PPP2R3A: variants seen among roughly 807,000 people sequenced by gnomAD.
PPP2R3A encodes protein phosphatase 2 regulatory subunit B''alpha.
A neutral mutation model predicts 106.9 loss-of-function variants in PPP2R3A; 80 were observed. The observed-to-expected ratio is 0.75, with a 90% CI of 0.62 to 0.90. The LOEUF is 0.90. Ranked by LOEUF, PPP2R3A falls within the 40% of genes least tolerant of loss-of-function variation. The pLI is 0.00. For missense variants in PPP2R3A, 1,386 were observed against 1,350.4 expected (o/e 1.03, Z -0.41); for synonymous variants, 483 against 468.3 (o/e 1.03, Z -0.41).
At chr3:135,991,001 G>T (rs1385733587) in intron 1 of PPP2R3A, among the ~76,000 whole-genome samples, 1 of 152,024 alleles carries the variant, frequency 6.6e-6, no homozygotes. Flanking sequence ...CCAAGTTCCT[G>T]CTAGCTCCCA....
rs141186794 is a variant in PPP2R3A, at chr3:136,102,196, A to G, written c.3103+14A>G. The G allele has an allele frequency of 4.2e-4, 681 of 1,611,954 alleles. 4 individuals carry two copies. In the African/African-American group the frequency reaches 7.9e-3, roughly 19 times the overall value. ...CAGCTGTTGATGGTGAGACCAAGCAATGGGACAGATGCACTGTTCACCTAT... is the reference window on the plus strand; with the variant it reads ...CAGCTGTTGATGGTGAGACCAAGCAGTGGGACAGATGCACTGTTCACCTAT... On this transcript the variant is annotated intron_variant, in intron 11 of 13. Transcript: ENST00000264977.
chr3:136,036,769 A>G (rs777081322), intron 3 of PPP2R3A, among the ~76,000 whole-genome samples: 2 of 152,184 alleles, frequency 1.3e-5, no homozygotes, highest in Non-Finnish European at 2.9e-5. Flanking sequence ...GCTGCAGTCT[A>G]GTCCTGCCTC....
rs114370347 is a variant in PPP2R3A, at chr3:136,108,693, C to T, written c.3329+2371C>T. The stretch of plus-strand genomic sequence containing the variant: ...AACTCAAGGATGAATAAAGGTTTAT[C>T]ATTGGGTTTTTTTTTTCCAGTTTTA... On this transcript the variant is annotated intron_variant, in intron 13 of 13. Transcript: ENST00000264977. Among the ~76,000 whole-genome samples, 307 of 151,010 alleles carry T rather than the reference C, an allele frequency of 2.0e-3. 2 individuals are homozygous for T. Among genetic ancestry groups the T allele is most frequent in the African/African-American group, 7.1e-3 (290 of 40,666 alleles).
chr3:136,048,206 C>G (rs1198308374), intron 4 of PPP2R3A, among the ~76,000 whole-genome samples: 1 of 152,092 alleles, frequency 6.6e-6, no homozygotes, highest in African/African-American at 2.4e-5. Context: ...GCAAGAGTTC[C>G]TGGAAGGTGA....
Position 136,016,594 on chromosome 3 carries a change from G to A in PPP2R3A, c.1996-10238G>A, listed in dbSNP as rs553664080. ...CTCTTTGTCTTTTTTAACTGTTGTC[G>A]CTTTAAAGTCTGTTTTATCTGATAT... On this transcript the variant is annotated intron_variant, in intron 2 of 13. Transcript: ENST00000264977. Among the ~76,000 whole-genome samples, 12 of 151,904 alleles carry A rather than the reference G, an allele frequency of 7.9e-5. No homozygotes were observed. In the South Asian group the frequency reaches 8.3e-4, roughly 11 times the overall value.
chr3:136,075,143 A>G (rs906703821), intron 6 of PPP2R3A, among the ~76,000 whole-genome samples: 6 of 152,240 alleles, frequency 3.9e-5, no homozygotes, highest in Non-Finnish European at 8.8e-5. Flanking sequence ...ATACTTGTGA[A>G]TTAGAGATTT....
intron 2 of PPP2R3A, among the ~76,000 whole-genome samples, chr3:136,011,901 C>T (rs926220824): frequency 7.2e-5 from 11 of 151,992 alleles, no homozygotes; most frequent in Non-Finnish European, 1.2e-4. Context: ...CACCAGCGTC[C>T]TTGACTATCA....
chr3:136,058,572 A>G (rs1252474595), intron 5 of PPP2R3A, among the ~76,000 whole-genome samples: 1 of 152,224 alleles, frequency 6.6e-6, no homozygotes, highest in Admixed American at 6.5e-5. Flanking sequence ...TAATATCACT[A>G]AAATGGCCAT....
intron 7 of PPP2R3A, among the ~76,000 whole-genome samples, chr3:136,079,953 C>G (rs966281988): frequency 3.3e-5 from 5 of 152,142 alleles, no homozygotes; most frequent in Non-Finnish European, 7.4e-5. Context: ...ATAAAACATT[C>G]AAATAATATG....
chr3:136,129,958 T>C (rs1419207847), intron 13 of PPP2R3A, among the ~76,000 whole-genome samples: 2 of 152,116 alleles, frequency 1.3e-5, no homozygotes, highest in South Asian at 2.1e-4. Flanking sequence ...TCAACAAAAT[T>C]CAACAGCCCT....
intron 13 of PPP2R3A, among the ~76,000 whole-genome samples, chr3:136,119,548 G>A (rs1475249419): frequency 3.9e-5 from 6 of 152,166 alleles, no homozygotes; most frequent in Admixed American, 3.3e-4. Flanking sequence ...AGCGGGTGAA[G>A]GATATGAACA....
intron 1 of PPP2R3A, among the ~76,000 whole-genome samples, chr3:135,997,360 G>A (rs930068153): frequency 6.6e-6 from 1 of 152,100 alleles, no homozygotes. Context: ...CCATAAAACT[G>A]CTTTCTCCTG....
rs149384978 is a variant in PPP2R3A at position 136,102,099 on chromosome 3, G to A, written c.3020G>A (p.Arg1007Gln). 2.6e-4 allele frequency: 413 copies of A among 1,614,000 alleles called. 1 individual carries two copies. In the African/African-American group the frequency reaches 4.7e-3, roughly 18 times the overall value. The change falls in exon 11 of 14, where the codon CGG (arginine) becomes CAG (glutamine). Residue 1007 changes from arginine to glutamine, a missense_variant. Arg to Gln is a conservative substitution (Grantham distance 43). Transcript: ENST00000264977. ...TACTTCTATGAGGAGCAGTGTGAAC[G>A]GATGGAAGCCATGGGAATTGAGCCC... The part of the protein sequence containing the change: ...LEYFYEEQCE[R>Q]MEAMGIEPLP...
intron 13 of PPP2R3A, among the ~76,000 whole-genome samples, chr3:136,138,291 A>G (rs1938704472): frequency 6.6e-6 from 1 of 152,186 alleles, no homozygotes. Flanking sequence ...GGTAATAAAC[A>G]TGAATTCAGA....
chr3:135,986,214 A>G (rs764981479), intron 1 of PPP2R3A, among the ~76,000 whole-genome samples: 43 of 152,230 alleles, frequency 2.8e-4, no homozygotes, highest in Non-Finnish European at 4.7e-4. Flanking sequence ...GGTCAAGAAT[A>G]TGAGGATTTT....
chr3:136,040,048 T>C (rs1414675394), intron 3 of PPP2R3A, among the ~76,000 whole-genome samples: 1 of 152,212 alleles, frequency 6.6e-6, no homozygotes, highest in Admixed American at 6.5e-5. Context: ...ATATGATAGC[T>C]GTTTTCTTGA....
intron 6 of PPP2R3A, among the ~76,000 whole-genome samples, chr3:136,071,716 G>A (rs1936434694): frequency 6.6e-6 from 1 of 152,102 alleles, no homozygotes; most frequent in Non-Finnish European, 1.5e-5. Flanking sequence ...TAGAATAAAA[G>A]CCAAGTCCTT....
At chr3:136,132,173 A>C (rs1353175588) in intron 13 of PPP2R3A, among the ~76,000 whole-genome samples, 2 of 152,104 alleles carry the variant, frequency 1.3e-5, no homozygotes, top group Non-Finnish European at 2.9e-5. Context: ...TAAAAAAAAA[A>C]CGAATGCCTT....
In PPP2R3A at chr3:136,026,856, C is replaced by A; in HGVS notation, c.2020C>A (p.Pro674Thr). 1 of 1,609,386 alleles carries A rather than the reference C, an allele frequency of 6.2e-7. No individual in the cohort carries two copies. The highest frequency in any genetic ancestry group is 8.5e-7 in the Non-Finnish European group (1 of 1,177,832). Residue 674 changes from proline to threonine, a missense_variant, in exon 3 of 14, where the codon CCT becomes ACT. Pro to Thr is a conservative substitution (Grantham distance 38). Transcript: ENST00000264977. ...GATTCAAAATAAACCAGAAAAGAAA[C>A]CTGGAACACCACTCCCACCTCCAGC... ...IKIQNKPEKK[P>T]GTPLPPPATS...
Sources: allele counts gnomAD v4.1 joint callset (sites outside exome capture counted in the v4.1 genomes callset), GRCh38; gene constraint gnomAD v4.1.1; transcripts MANE v1.5; gene names NCBI Gene and HGNC (gene_info 2026-07-23, HGNC 2026-07-21).